Variants in PRIM2 observed in about 807,000 individuals in gnomAD.
PRIM2 encodes the protein DNA primase large subunit.
PRIM2 carries 39 observed loss-of-function variants against 67.3 expected under a neutral mutation model. The ratio of observed to expected loss-of-function variants is 0.58; its 90% CI spans 0.45 to 0.76. The LOEUF is 0.76. Ranked by LOEUF, PRIM2 falls within the 30% of genes least tolerant of loss-of-function variation. PRIM2 has a pLI of 0.00. For synonymous variants in PRIM2, 143 were observed against 198.7 expected, an observed-to-expected ratio of 0.72 and a Z score of 2.36; for missense variants, 398 against 598.7, an observed-to-expected ratio of 0.66 and a Z score of 3.50.
intron 7 of PRIM2, among the ~76,000 whole-genome samples, chr6:57,439,412 T>G (rs1244893816): frequency 6.1e-4 from 67 of 110,052 alleles, no homozygotes; most frequent in South Asian, 8.8e-4. Flanking sequence ...CTGTTTTTTT[T>G]TTTTTTTTTT....
chr6:57,516,760 CAT>C (rs1490498521), intron 8 of PRIM2, among the ~76,000 whole-genome samples: 101 of 152,176 alleles, frequency 6.6e-4, no homozygotes, highest in African/African-American at 2.4e-3. Context: ...TTATTGAACA[CAT>C]ATTAAAGGAA....
intron 7 of PRIM2, among the ~76,000 whole-genome samples, chr6:57,449,742 T>A (rs1229254333): frequency 1.3e-5 from 2 of 152,176 alleles, no homozygotes; most frequent in Non-Finnish European, 2.9e-5. Context: ...AAGCAATGTC[T>A]TTTTTATTAT....
rs1228363479 is a variant in PRIM2 at position 57,563,304 on chromosome 6, C to T, written c.1020+25679C>T. Among the ~76,000 whole-genome samples, 21 of 145,332 alleles carry T rather than the reference C, an allele frequency of 1.4e-4. No homozygotes were observed. In the East Asian group the frequency reaches 4.2e-3, roughly 29 times the overall value. ...GTCTACTGAACATAATCTTTTTAAT[C>T]ATTTAGAATGAACTTCAGGATTTGG... On this transcript the variant is annotated intron_variant, in intron 10 of 13. Coordinates refer to ENST00000615550, the MANE Select transcript of PRIM2 (RefSeq NM_000947.5).
At chr6:57,559,622 G>A (rs1445641046) in intron 10 of PRIM2, among the ~76,000 whole-genome samples, 3 of 152,032 alleles carry the variant, frequency 2.0e-5, no homozygotes, top group Non-Finnish European at 4.4e-5. Context: ...CATAGATGTA[G>A]GTATTTAACA....
chr6:57,318,134 C>T (rs1767536484), intron 1 of PRIM2, among the ~76,000 whole-genome samples: 1 of 152,150 alleles, frequency 6.6e-6, no homozygotes, highest in Non-Finnish European at 1.5e-5. Context: ...AGAACAGTGA[C>T]ACACAGGCCT....
chr6:57,456,783 C>G (rs1365573719), intron 7 of PRIM2, among the ~76,000 whole-genome samples: 1 of 152,134 alleles, frequency 6.6e-6, no homozygotes, highest in South Asian at 2.1e-4. Context: ...CTTCTTTTCT[C>G]AACTTGTCAA....
Position 57,606,423 on chromosome 6 carries a change from A to C in PRIM2, c.1196A>C (p.Gln399Pro). 6.3e-7 allele frequency: 1 copy of C among 1,597,284 alleles called. No homozygotes were observed. The highest frequency in any genetic ancestry group is 8.5e-7 in the Non-Finnish European group (1 of 1,170,372). The change falls in exon 12 of 14, where the codon CAG (glutamine) becomes CCG (proline). Residue 399 changes from glutamine to proline, a missense_variant. Physicochemically the swap from Gln to Pro is moderately conservative, Grantham distance 76. This residue lies in a region of PRIM2 where 229 missense variants were observed against 383.6 expected (regional missense o/e 0.60). Transcript: ENST00000615550. Reference sequence around the variant, plus strand: ...CCAGAGCTGCTGAAGCAAAAGTTGCAGTCATACAAGATCTCTCCTGGAGGG... The same window carrying C: ...CCAGAGCTGCTGAAGCAAAAGTTGCCGTCATACAAGATCTCTCCTGGAGGG... ...SDPELLKQKL[Q>P]SYKISPGGIS...
intron 9 of PRIM2, among the ~76,000 whole-genome samples, chr6:57,536,293 A>C (rs1382131679): frequency 6.6e-6 from 1 of 152,266 alleles, no homozygotes; most frequent in African/African-American, 2.4e-5. Flanking sequence ...AGAGAATGCA[A>C]TTGAAACCGT....
chr6:57,389,872 A>C (rs1324114651), intron 7 of PRIM2, among the ~76,000 whole-genome samples: 1 of 152,128 alleles, frequency 6.6e-6, no homozygotes, highest in Non-Finnish European at 1.5e-5. Context: ...TTTTCTTACT[A>C]TTTGTGTACA....
the PRIM2 span, among the ~76,000 whole-genome samples, chr6:57,271,839 A>C: frequency 2.6e-5 from 4 of 152,174 alleles, no homozygotes; most frequent in African/African-American, 9.6e-5. Context: ...CTTTGTTCTC[A>C]TTGGTTTCAA....
At chr6:57,582,114 C>T in intron 10 of PRIM2, among the ~76,000 whole-genome samples, 1 of 152,214 alleles carries the variant, frequency 6.6e-6, no homozygotes, top group East Asian at 1.9e-4. Context: ...TGGGAGCGAC[C>T]ATGCCTGTTA....
intron 7 of PRIM2, among the ~76,000 whole-genome samples, chr6:57,389,085 A>C (rs1379621187): frequency 6.6e-6 from 1 of 152,160 alleles, no homozygotes; most frequent in Non-Finnish European, 1.5e-5. Context: ...CTCCTCACAC[A>C]GTGTGACTAT....
intron 7 of PRIM2, among the ~76,000 whole-genome samples, chr6:57,461,896 T>G (rs1773019057): frequency 6.6e-6 from 1 of 152,264 alleles, no homozygotes; most frequent in African/African-American, 2.4e-5. Context: ...GAGCAGTGGT[T>G]AAAAGCCCTG....
chr6:57,272,874 C>T, the PRIM2 span, among the ~76,000 whole-genome samples: 2 of 152,178 alleles, frequency 1.3e-5, no homozygotes, highest in Non-Finnish European at 2.9e-5. Flanking sequence ...TTTATTTCTG[C>T]TTCACTTATG....
the PRIM2 span, among the ~76,000 whole-genome samples, chr6:57,231,863 A>AAAC: frequency 8.6e-5 from 13 of 151,130 alleles, no homozygotes; most frequent in Non-Finnish European, 1.0e-4. Flanking sequence ...GGAAAAAAAA[A>AAAC]AAACCACTAG....
the PRIM2 span, among the ~76,000 whole-genome samples, chr6:57,254,316 A>G: frequency 6.6e-6 from 1 of 152,202 alleles, no homozygotes; most frequent in Non-Finnish European, 1.5e-5. Flanking sequence ...CACTTTTGGA[A>G]GATATTATGG....
intron 10 of PRIM2, among the ~76,000 whole-genome samples, chr6:57,568,315 A>G (rs1775789284): frequency 6.6e-6 from 1 of 152,178 alleles, no homozygotes. Context: ...GTTTTGTTTT[A>G]CTGTAAAGAT....
intron 5 of PRIM2, among the ~76,000 whole-genome samples, chr6:57,368,772 T>G (rs527373445): frequency 6.6e-6 from 1 of 152,266 alleles, no homozygotes; most frequent in African/African-American, 2.4e-5. Context: ...GATGCAAAGA[T>G]GAAGGTCACT....
intron 7 of PRIM2, among the ~76,000 whole-genome samples, chr6:57,450,819 A>G (rs200251139): frequency 4.9e-4 from 74 of 152,348 alleles, no homozygotes; most frequent in African/African-American, 1.8e-3. Context: ...TAAGGCTTGC[A>G]TATACTATAC....
Sources: gnomAD v4.1 joint callset for allele counts (sites outside exome capture counted in the v4.1 genomes callset) on GRCh38, gnomAD v4.1.1 for gene constraint, gnomAD v4.1.1 regional missense constraint, MANE v1.5 for transcripts, NCBI Gene and HGNC (gene_info 2026-07-23, HGNC 2026-07-21) for gene names.